Variants in BICRA observed in about 807,000 individuals in gnomAD.
The protein encoded by BICRA is BRD4-interacting chromatin-remodeling complex-associated protein.
Under a neutral mutation model 96.9 loss-of-function variants are expected in BICRA, and 31 were observed. The ratio of observed to expected loss-of-function variants is 0.32; its 90% CI spans 0.24 to 0.43. The LOEUF is 0.43. Ranked by LOEUF, BICRA falls within the 20% of genes least tolerant of loss-of-function variation. The pLI is 1.00. For synonymous variants in BICRA, 1,350 were observed against 1,071.8 expected, an observed-to-expected ratio of 1.26 and a Z score of -5.07; for missense variants, 2,283 against 2,190.3, an observed-to-expected ratio of 1.04 and a Z score of -0.84.
chr19:47,645,038 C>A (rs1424938918), intron 1 of BICRA, among the ~76,000 whole-genome samples: 2 of 152,190 alleles, frequency 1.3e-5, no homozygotes, highest in Non-Finnish European at 2.9e-5. Flanking sequence ...TCAAATGCAC[C>A]TTGTTGAACA....
rs913624802 is a variant in BICRA at position 47,696,337 on chromosome 19, C to G, written c.3187-114C>G. ...CCTGTAGCTGGGGCCAGGCCCCCAC[C>G]TGGGTGAGACACTGGTCCCCTGTCC... On this transcript the variant is annotated intron_variant, in intron 10 of 14. Transcript: ENST00000594866. The G allele has an allele frequency of 1.1e-5, 10 of 934,356 alleles. No homozygotes were observed. In the African/African-American group the frequency reaches 1.6e-4, roughly 15 times the overall value. The allele number at this position is 934,356 out of a possible 1,614,324, so 57.9% of individuals were successfully genotyped here. A position where few individuals can be genotyped will look rare whatever the true frequency, so the allele number is the denominator to read the frequency against.
In BICRA at chr19:47,680,898, G is replaced by A; in HGVS notation, c.1728G>A (p.Gly576=). Residue 576 remains glycine (G), a synonymous_variant, in exon 6 of 15, where the codon GGG becomes GGA. Coordinates refer to ENST00000594866, the MANE Select transcript of BICRA (RefSeq NM_001394372.1). ...LPTQSQPAPA[G]PAATTVLQGV... ...CGCAGAGCCAGCCAGCGCCCGCCGG[G>A]CCGGCCGCCACCACTGTCCTCCAGG... is the stretch of plus-strand genomic sequence containing the variant. 6.7e-7 allele frequency: 1 copy of A among 1,485,864 alleles called. No individual in the cohort carries two copies. The highest frequency in any genetic ancestry group is 8.8e-7 in the Non-Finnish European group (1 of 1,130,538). The allele number at this position is 1,485,864 out of a possible 1,614,324, so 92.0% of individuals were successfully genotyped here.
At chr19:47,613,636 G>GT (rs1260655612) in intron 1 of BICRA, among the ~76,000 whole-genome samples, 1 of 152,052 alleles carries the variant, frequency 6.6e-6, no homozygotes, top group East Asian at 1.9e-4. Flanking sequence ...TATCCCTCTG[G>GT]TTTTTTGTCC....
At chr19:47,666,569 G>A (rs745447965) in intron 1 of BICRA, among the ~76,000 whole-genome samples, 2 of 136,112 alleles carry the variant, frequency 1.5e-5, no homozygotes, top group Non-Finnish European at 3.2e-5. Flanking sequence ...GAGCCACCAC[G>A]CCCGGCCTTC....
Position 47,675,794 on chromosome 19 carries a change from A to G in BICRA, c.85-57A>G. The G allele has an allele frequency of 5.8e-6, 8 of 1,388,000 alleles. No individual in the cohort carries two copies. The highest frequency in any genetic ancestry group is 8.1e-6 in the Non-Finnish European group (8 of 987,758). 86.0% of individuals were successfully genotyped at this position (1,388,000 alleles called of 1,614,324 possible). On this transcript the variant is annotated intron_variant, in intron 4 of 14. Coordinates refer to ENST00000594866, the MANE Select transcript of BICRA (RefSeq NM_001394372.1). This position sits in a 1 kb window ranked among gnomAD's most constrained non-coding sequence, Gnocchi z 4.7. Reference sequence around the variant, plus strand: ...GTGACCCTAAATTGGTTTCTGCTCCAGAGCATGGGCCTGCCCTGCTGACTT... The same window carrying G: ...GTGACCCTAAATTGGTTTCTGCTCCGGAGCATGGGCCTGCCCTGCTGACTT...
In BICRA at chr19:47,673,539, C is replaced by T. The variant is rs952317181; in HGVS notation, c.-5-31C>T. On this transcript the variant is annotated intron_variant, in intron 2 of 14. Coordinates refer to ENST00000594866, the MANE Select transcript of BICRA (RefSeq NM_001394372.1). ...GCTGCCAAAATCTAACCTTGTCTCC[C>T]TCGCCCTCTTCCTGACCCCACCCCA... 5 of 1,596,450 alleles carry T rather than the reference C, an allele frequency of 3.1e-6. No homozygotes were observed. The African/African-American group carries it at 6.7e-5, about 21-fold the overall frequency.
rs1020829922 is a variant in BICRA at position 47,680,168 on chromosome 19, C to G, written c.998C>G (p.Ser333Trp). The G allele has an allele frequency of 1.3e-6, 2 of 1,535,618 alleles. No homozygotes were observed. Among genetic ancestry groups the G allele is most frequent in the Non-Finnish European group, 1.7e-6 (2 of 1,150,056 alleles). Reference sequence around the variant, plus strand: ...CTGGCGGTGGCCCCAGGCCTCGGCTCGTCGCCACTGGTCCCGGCGCCCAAC... The same window carrying G: ...CTGGCGGTGGCCCCAGGCCTCGGCTGGTCGCCACTGGTCCCGGCGCCCAAC... ...QPLAVAPGLG[S>W]SPLVPAPNVI... The change falls in exon 6 of 15, where the codon TCG (serine) becomes TGG (tryptophan). Residue 333 changes from serine to tryptophan, a missense_variant. Transcript: ENST00000594866.
At chr19:47,617,964 G>A (rs1972009650) in intron 1 of BICRA, among the ~76,000 whole-genome samples, 1 of 152,168 alleles carries the variant, frequency 6.6e-6, no homozygotes, top group South Asian at 2.1e-4. Context: ...GAAGAAAGTG[G>A]CATTAGGCCC....
Position 47,665,214 on chromosome 19 carries a change from G to A in BICRA, c.-107-5229G>A, listed in dbSNP as rs1159572901. ...ACCCCCCACCAGACACACAGTAGGT[G>A]CCTACTAAATGTACATTTCAGCAGG... On this transcript the variant is annotated intron_variant, in intron 1 of 14. Coordinates refer to ENST00000594866, the MANE Select transcript of BICRA (RefSeq NM_001394372.1). Among the ~76,000 whole-genome samples, 70 of 152,136 alleles carry A rather than the reference G, an allele frequency of 4.6e-4. 1 individual carries two copies.
chr19:47,694,255 G>A lies in BICRA; in HGVS notation c.2424G>A (p.Gln808=). The A allele has an allele frequency of 2.4e-6, 1 of 417,892 alleles. No homozygotes were observed. The highest frequency in any genetic ancestry group is 3.5e-5 in the South Asian group (1 of 28,878). The allele number at this position is 417,892 out of a possible 1,614,324, so 25.9% of individuals were successfully genotyped here. Residue 808 remains glutamine (Q), a synonymous_variant, in exon 8 of 15, where the codon CAG becomes CAA. Coordinates refer to ENST00000594866, the MANE Select transcript of BICRA (RefSeq NM_001394372.1). ...RPPSRPPSRP[Q]SVSRPPSEPP... is the part of the protein sequence containing the mutation. ...CTTCCCGCCCACCCTCCCGGCCACA[G>A]AGTGTGTCCCGCCCTCCCTCAGAGC...
intron 1 of BICRA, among the ~76,000 whole-genome samples, chr19:47,657,541 T>C (rs145824095): frequency 0.12 from 17,793 of 151,756 alleles, 1,210 homozygotes; most frequent in South Asian, 0.2. Flanking sequence ...GGACTACAGG[T>C]ACCCACCACC....
At chr19:47,645,604 G>A (rs1008944385) in intron 1 of BICRA, among the ~76,000 whole-genome samples, 1 of 152,132 alleles carries the variant, frequency 6.6e-6, no homozygotes, top group African/African-American at 2.4e-5. Flanking sequence ...AGGGGAGGGA[G>A]CAAAAAAGAA....
intron 7 of BICRA, among the ~76,000 whole-genome samples, chr19:47,685,655 A>G (rs539221308): frequency 6.6e-6 from 1 of 152,024 alleles, no homozygotes; most frequent in South Asian, 2.1e-4. Context: ...GTTTGTAAGA[A>G]TAGTGGTTCC....
intron 2 of BICRA, among the ~76,000 whole-genome samples, chr19:47,671,893 G>C (rs1972868335): frequency 7.2e-6 from 1 of 138,352 alleles, no homozygotes; most frequent in Non-Finnish European, 1.6e-5. Flanking sequence ...GGATGGGTAG[G>C]TAGATGGATG....
chr19:47,610,086 C>T (rs1255254928), intron 1 of BICRA, among the ~76,000 whole-genome samples: 2 of 152,226 alleles, frequency 1.3e-5, no homozygotes, highest in Non-Finnish European at 2.9e-5. Flanking sequence ...CGGGTGGTGA[C>T]CTTTAGACAA....
chr19:47,702,230 C>A lies in BICRA; in HGVS notation c.4498C>A (p.His1500Asn). 2 of 1,599,356 alleles carry A rather than the reference C, an allele frequency of 1.3e-6. No individual in the cohort carries two copies. The highest frequency in any genetic ancestry group is 2.7e-5 in the African/African-American group (2 of 74,446). Reference sequence around the variant, plus strand: ...CCCGCAGGATGACACGCTCACCGAGCACCTGCAGAGCGCCATCGACAGCAT... The same window carrying A: ...CCCGCAGGATGACACGCTCACCGAGAACCTGCAGAGCGCCATCGACAGCAT... ...DSPQDDTLTE[H>N]LQSAIDSILN... is the part of the protein sequence containing the mutation. The change falls in exon 15 of 15, where the codon CAC becomes AAC. Residue 1500 changes from histidine (H) to asparagine (N), a missense_variant. Coordinates refer to ENST00000594866, the MANE Select transcript of BICRA (RefSeq NM_001394372.1).
chr19:47,624,992 C>CTTTTTT (rs35273886), intron 1 of BICRA, among the ~76,000 whole-genome samples: 7 of 57,922 alleles, frequency 1.2e-4, no homozygotes, highest in African/African-American at 2.2e-4. Flanking sequence ...CTGCACCTGG[C>CTTTTTT]TTTTTTTTTT....
intron 1 of BICRA, among the ~76,000 whole-genome samples, chr19:47,623,847 T>TC (rs924083786): frequency 1.0e-4 from 7 of 70,220 alleles, no homozygotes; most frequent in Non-Finnish European, 1.4e-4. Context: ...TCTCTCTCTC[T>TC]TTTTTTTTTT....
chr19:47,664,460 C>A (rs1055447657), intron 1 of BICRA, among the ~76,000 whole-genome samples: 2 of 152,166 alleles, frequency 1.3e-5, no homozygotes, highest in African/African-American at 4.8e-5. Flanking sequence ...GTGAGGTCTT[C>A]AGAATCACAG....
Sources: gnomAD v4.1 joint callset for allele counts (sites outside exome capture counted in the v4.1 genomes callset) on GRCh38, gnomAD v4.1.1 for gene constraint, Gnocchi (gnomAD v3.1) non-coding constraint, MANE v1.5 for transcripts, NCBI Gene and HGNC (gene_info 2026-07-23, HGNC 2026-07-21) for gene names.